Variants in TMEM117 observed in about 807,000 individuals in gnomAD.
The protein encoded by TMEM117 is transmembrane protein 117.
TMEM117 carries 27 observed loss-of-function variants against 52.4 expected under a neutral mutation model. That is an observed-to-expected ratio of 0.51 (90% CI 0.38 to 0.71). The LOEUF is 0.71. Among genes scored for constraint, TMEM117 ranks in the 30% least tolerant of loss-of-function variants. TMEM117 has a pLI of 0.00. For synonymous variants in TMEM117, 215 were observed against 206.3 expected, an observed-to-expected ratio of 1.04 and a Z score of -0.36; for missense variants, 556 against 630.5, an observed-to-expected ratio of 0.88 and a Z score of 1.26.
intron 1 of TMEM117, among the ~76,000 whole-genome samples, chr12:43,842,759 A>AT (rs140879678): frequency 4.6e-5 from 7 of 151,472 alleles, no homozygotes; most frequent in East Asian, 1.9e-4. Context: ...CACACACACA[A>AT]TTTTTTTTTA....
chr12:44,376,387 A>T (rs1951941368), intron 6 of TMEM117: 2 of 645,374 alleles, frequency 3.1e-6, no homozygotes, highest in Admixed American at 2.6e-5. Context: ...AAATCTGAAG[A>T]TATAAGTTAT....
chr12:44,030,587 G>T (rs1388453608), intron 3 of TMEM117, among the ~76,000 whole-genome samples: 1 of 152,222 alleles, frequency 6.6e-6, no homozygotes, highest in Non-Finnish European at 1.5e-5. Context: ...AATGACTATG[G>T]AAAGGCATGG....
chr12:43,959,089 G>A (rs1382690524), intron 3 of TMEM117, among the ~76,000 whole-genome samples: 1 of 152,120 alleles, frequency 6.6e-6, no homozygotes, highest in African/African-American at 2.4e-5. Context: ...TTACAGGCGT[G>A]AGCCACCGCG....
chr12:44,257,508 G>A (rs948146578), intron 5 of TMEM117, among the ~76,000 whole-genome samples: 1 of 152,114 alleles, frequency 6.6e-6, no homozygotes, highest in Non-Finnish European at 1.5e-5. Flanking sequence ...GTCTTCAAAG[G>A]ACTGGTAGCT....
At chr12:44,097,218 G>C in intron 3 of TMEM117, among the ~76,000 whole-genome samples, 1 of 152,126 alleles carries the variant, frequency 6.6e-6, no homozygotes, top group Non-Finnish European at 1.5e-5. Flanking sequence ...GGAAACAACA[G>C]GTGCTGGAGA....
chr12:43,912,987 A>G (rs1944540852), intron 2 of TMEM117, among the ~76,000 whole-genome samples: 1 of 152,216 alleles, frequency 6.6e-6, no homozygotes, highest in African/African-American at 2.4e-5. Context: ...AAGTTCAAAA[A>G]AATATTTTGA....
intron 3 of TMEM117, among the ~76,000 whole-genome samples, chr12:44,012,119 CTT>C (rs992585419): frequency 6.6e-6 from 1 of 152,196 alleles, no homozygotes; most frequent in African/African-American, 2.4e-5. Context: ...ACCCCAGTCT[CTT>C]TTTATTGCGT....
intron 3 of TMEM117, among the ~76,000 whole-genome samples, chr12:44,131,326 T>C (rs1036224399): frequency 6.6e-6 from 1 of 152,234 alleles, no homozygotes; most frequent in Admixed American, 6.5e-5. Context: ...GATGTATAGT[T>C]TAGTTATATT....
At chr12:44,174,785 A>T (rs572393477) in intron 4 of TMEM117, among the ~76,000 whole-genome samples, 1 of 152,344 alleles carries the variant, frequency 6.6e-6, no homozygotes, top group South Asian at 2.1e-4. Context: ...TACAGAGTTT[A>T]TCTAGTGAGA....
intron 3 of TMEM117, among the ~76,000 whole-genome samples, chr12:44,044,965 A>G (rs1946857639): frequency 6.6e-6 from 1 of 152,212 alleles, no homozygotes; most frequent in African/African-American, 2.4e-5. Context: ...TGACAAAGAA[A>G]TTTGGGGAAG....
At chr12:44,361,929 G>A (rs1161864007) in intron 6 of TMEM117, among the ~76,000 whole-genome samples, 1 of 152,128 alleles carries the variant, frequency 6.6e-6, no homozygotes. Context: ...TAAAAAGTCA[G>A]AGTGCACATG....
At chr12:44,204,023 C>T (rs1395744154) in intron 4 of TMEM117, among the ~76,000 whole-genome samples, 1 of 151,988 alleles carries the variant, frequency 6.6e-6, no homozygotes, top group East Asian at 1.9e-4. Context: ...ACAAGGATAC[C>T]CACTCTCATG....
chr12:43,896,641 C>A (rs564942978), intron 2 of TMEM117, among the ~76,000 whole-genome samples: 2 of 151,764 alleles, frequency 1.3e-5, no homozygotes, highest in African/African-American at 4.8e-5. Context: ...TTTTTGTGGT[C>A]CACACTTCCT....
intron 3 of TMEM117, among the ~76,000 whole-genome samples, chr12:44,001,318 C>G (rs1946113519): frequency 6.6e-6 from 1 of 152,178 alleles, no homozygotes; most frequent in Admixed American, 6.5e-5. Context: ...GCTTCTAAGG[C>G]AACCCCTCCC....
At chr12:44,192,997 G>A (rs1592595396) in intron 4 of TMEM117, among the ~76,000 whole-genome samples, 1 of 152,332 alleles carries the variant, frequency 6.6e-6, no homozygotes, top group East Asian at 1.9e-4. Flanking sequence ...TGTGTTGGGA[G>A]GGGAGACACT....
intron 6 of TMEM117, among the ~76,000 whole-genome samples, chr12:44,351,461 T>A (rs1401875277): frequency 6.6e-6 from 1 of 152,118 alleles, no homozygotes; most frequent in Non-Finnish European, 1.5e-5. Flanking sequence ...TTTTCCCCAA[T>A]GTTTTCTTGT....
At chr12:44,311,087 A>G (rs528088124) in intron 6 of TMEM117, among the ~76,000 whole-genome samples, 1 of 152,178 alleles carries the variant, frequency 6.6e-6, no homozygotes, top group South Asian at 2.1e-4. Flanking sequence ...AATTTCTCCT[A>G]TAAAACTATA....
At chr12:44,003,620 TC>T (rs1946149078) in intron 3 of TMEM117, among the ~76,000 whole-genome samples, 1 of 152,176 alleles carries the variant, frequency 6.6e-6, no homozygotes, top group East Asian at 1.9e-4. Context: ...CTTCACTCTG[TC>T]CCATGCATGA....
intron 4 of TMEM117, among the ~76,000 whole-genome samples, chr12:44,156,085 A>G (rs1335368741): frequency 6.6e-6 from 1 of 152,108 alleles, no homozygotes. Flanking sequence ...AATTCCACCC[A>G]AACATTTAAG....
Sources: gnomAD v4.1 joint callset for allele counts (sites outside exome capture counted in the v4.1 genomes callset) on GRCh38, gnomAD v4.1.1 for gene constraint, MANE v1.5 for transcripts, NCBI Gene and HGNC (gene_info 2026-07-23, HGNC 2026-07-21) for gene names.